Variants in DLGAP2 observed in about 807,000 individuals in gnomAD.
The protein encoded by DLGAP2 is disks large-associated protein 2.
Under a neutral mutation model 100.3 loss-of-function variants are expected in DLGAP2, and 26 were observed. That is an observed-to-expected ratio of 0.26 (90% CI 0.19 to 0.36). DLGAP2 has a LOEUF of 0.36. Among genes scored for constraint, DLGAP2 ranks in the 10% least tolerant of loss-of-function variants. The pLI is 1.00. For missense variants in DLGAP2, 1,858 were observed against 1,453.2 expected, an observed-to-expected ratio of 1.28 and a Z score of -4.53; for synonymous variants, 886 against 630.1, an observed-to-expected ratio of 1.41 and a Z score of -6.08.
intron 2 of DLGAP2, among the ~76,000 whole-genome samples, chr8:1,189,217 C>T (rs1358881437): frequency 6.8e-6 from 1 of 146,520 alleles, no homozygotes; most frequent in Non-Finnish European, 1.5e-5. Flanking sequence ...ATTTGGGCCC[C>T]AGGCCGGTTC....
intron 2 of DLGAP2, among the ~76,000 whole-genome samples, chr8:993,753 A>G (rs1351350136): frequency 6.8e-6 from 1 of 147,444 alleles, no homozygotes; most frequent in Non-Finnish European, 1.5e-5. Context: ...CTCTAGATGC[A>G]GACTTTAAGA....
chr8:857,717 C>T (rs937090886), intron 1 of DLGAP2, among the ~76,000 whole-genome samples: 1 of 152,270 alleles, frequency 6.6e-6, no homozygotes, highest in East Asian at 1.9e-4. Context: ...GAACTCTCAT[C>T]CTCACTGTGG....
intron 1 of DLGAP2, 60 bp downstream of exon 1, chr8:737,885 G>A: frequency 2.7e-6 from 1 of 370,282 alleles, no homozygotes. Flanking sequence ...CGTCGAGGCG[G>A]GGAGGGCGCG....
intron 1 of DLGAP2, among the ~76,000 whole-genome samples, chr8:746,557 C>G (rs1328140044): frequency 6.6e-6 from 1 of 152,262 alleles, no homozygotes; most frequent in Non-Finnish European, 1.5e-5. Context: ...GTGGTCATGG[C>G]AGTGTCCCTG....
chr8:1,219,424 T>C lies in DLGAP2; in HGVS notation c.74-39427T>C, dbSNP rs558593564. On this transcript the variant is annotated intron_variant, in intron 2 of 14. Transcript: ENST00000637795. ...GATTATGTGATGAATCACATTTATT[T>C]ATGTTTGTTAAACCAAACTTGCATC... Among the ~76,000 whole-genome samples the C allele has an allele frequency of 1.2e-4, 18 of 152,286 alleles. No individual in the cohort carries two copies. In the South Asian group the frequency reaches 3.7e-3, roughly 32 times the overall value.
chr8:976,924 A>G (rs1800179354), intron 2 of DLGAP2, among the ~76,000 whole-genome samples: 1 of 152,244 alleles, frequency 6.6e-6, no homozygotes, highest in Admixed American at 6.5e-5. Flanking sequence ...CATGAAAGAA[A>G]TAATTGATAA....
At chr8:1,630,965 AGGGTCTCGGCGGGAGGTCCGGGTGTCCCG>A (rs1193725578) in intron 7 of DLGAP2, among the ~76,000 whole-genome samples, 6 of 99,232 alleles carry the variant, frequency 6.0e-5, no homozygotes, top group Non-Finnish European at 4.6e-5. Context: ...CAGTGTCCCG[AGGGTCTCGGCGGGAGGTCCGGGTGTCCCG>A]AGGGTCTCGG....
intron 4 of DLGAP2, among the ~76,000 whole-genome samples, chr8:1,506,418 C>G (rs1460591707): frequency 1.3e-5 from 2 of 152,144 alleles, no homozygotes; most frequent in African/African-American, 2.4e-5. Context: ...TTTTAATGTT[C>G]AGACGTTTTT....
At position 806,337 on chromosome 8, in the gene DLGAP2, A is replaced by C. The variant is rs560030973; in HGVS notation, c.18+68512A>C. 1.5e-3 allele frequency among the ~76,000 whole-genome samples: 229 copies of C among 152,326 alleles called. 3 individuals carry two copies. Among genetic ancestry groups the C allele is most frequent in the African/African-American group, 5.1e-3 (212 of 41,580 alleles). ...TCTCTGGAGGGCGGCCCAGGCAGCCAGGATTCACTGCCCGTCACTCTGCAG... is the reference window on the plus strand; with the variant it reads ...TCTCTGGAGGGCGGCCCAGGCAGCCCGGATTCACTGCCCGTCACTCTGCAG... On this transcript the variant is annotated intron_variant, in intron 1 of 14. Transcript: ENST00000637795.
At chr8:1,044,493 G>T (rs147549818) in intron 2 of DLGAP2, among the ~76,000 whole-genome samples, 1 of 152,206 alleles carries the variant, frequency 6.6e-6, no homozygotes, top group Non-Finnish European at 1.5e-5. Flanking sequence ...CAGTCCTAGC[G>T]CTGAAATCTG....
intron 3 of DLGAP2, among the ~76,000 whole-genome samples, chr8:1,346,694 C>G (rs923488176): frequency 8.4e-5 from 11 of 131,436 alleles, no homozygotes; most frequent in African/African-American, 3.2e-4. Flanking sequence ...CTGCTTTAAA[C>G]TCATGGTAGC....
At chr8:1,426,317 C>G (rs1399810812) in intron 3 of DLGAP2, among the ~76,000 whole-genome samples, 1 of 152,168 alleles carries the variant, frequency 6.6e-6, no homozygotes, top group Non-Finnish European at 1.5e-5. Flanking sequence ...AGGACCGACT[C>G]CAGACTAGAT....
At chr8:951,896 C>T (rs1469380545) in intron 2 of DLGAP2, among the ~76,000 whole-genome samples, 2 of 152,240 alleles carry the variant, frequency 1.3e-5, no homozygotes, top group East Asian at 1.9e-4. Flanking sequence ...CTGGTAGACT[C>T]ATTGGAACCA....
chr8:747,148 C>G (rs1441665387), intron 1 of DLGAP2, among the ~76,000 whole-genome samples: 1 of 152,004 alleles, frequency 6.6e-6, no homozygotes, highest in Admixed American at 6.5e-5. Flanking sequence ...GACCAGGAGG[C>G]TCTAGAGTGT....
At chr8:1,099,344 C>G (rs1804504101) in intron 2 of DLGAP2, among the ~76,000 whole-genome samples, 1 of 152,214 alleles carries the variant, frequency 6.6e-6, no homozygotes, top group South Asian at 2.1e-4. Context: ...ACGTGTGTCT[C>G]CGGTGTGCAT....
At chr8:1,136,428 G>C (rs1037339654) in intron 2 of DLGAP2, among the ~76,000 whole-genome samples, 3 of 152,214 alleles carry the variant, frequency 2.0e-5, no homozygotes, top group Non-Finnish European at 4.4e-5. Context: ...CAGCAGATCT[G>C]GACAGCTCTC....
Position 1,633,033 on chromosome 8 carries a change from C to G in DLGAP2, c.1797C>G (p.Ile599Met), listed in dbSNP as rs367809240. The G allele has an allele frequency of 1.2e-6, 2 of 1,613,974 alleles. No individual in the cohort carries two copies. Among genetic ancestry groups the G allele is most frequent in the Non-Finnish European group, 1.7e-6 (2 of 1,179,892 alleles). ...CACCCTCTGACATCACCTCCACCAT[C>G]AGGTCAACAGCAGGTAAGGGGACGC... ...MMTPSDITST[I>M]RSTAAVSYTN... Residue 599 changes from isoleucine to methionine, a missense_variant, in exon 8 of 15, where the codon ATC becomes ATG. By Grantham distance (10) the Ile-to-Met change is conservative (BLOSUM62 1). Transcript: ENST00000637795.
intron 2 of DLGAP2, among the ~76,000 whole-genome samples, chr8:1,005,485 T>C (rs1005687873): frequency 6.7e-6 from 1 of 149,236 alleles, no homozygotes; most frequent in Admixed American, 6.8e-5. Context: ...GACAGCTCAC[T>C]GCAGCCTCAA....
chr8:1,487,375 A>G (rs1189437091), intron 3 of DLGAP2, among the ~76,000 whole-genome samples: 1 of 152,318 alleles, frequency 6.6e-6, no homozygotes, highest in Non-Finnish European at 1.5e-5. Context: ...AAAACAACCA[A>G]CCACAAATCA....
Sources: gnomAD v4.1 joint callset for allele counts (sites outside exome capture counted in the v4.1 genomes callset) on GRCh38, gnomAD v4.1.1 for gene constraint, MANE v1.5 for transcripts, NCBI Gene and HGNC (gene_info 2026-07-23, HGNC 2026-07-21) for gene names.